The following WDR70 variants were observed in gnomAD, a reference collection of about 807,000 sequenced individuals.
WDR70 encodes the protein WD repeat domain 70, also known as WD repeat-containing protein 70.
WDR70 carries 53 observed loss-of-function variants against 88.6 expected under a neutral mutation model. That is an observed-to-expected ratio of 0.60 (90% CI 0.48 to 0.75). WDR70 has a LOEUF of 0.75. Among genes scored for constraint, WDR70 ranks in the 30% least tolerant of loss-of-function variants. WDR70 has a pLI of 0.00. For missense variants in WDR70, 610 were observed against 823.2 expected (o/e 0.74, Z 3.17); for synonymous variants, 280 against 270.0 (o/e 1.04, Z -0.36).
rs190386749 is a variant in WDR70, at chr5:37,380,006, A to G, written c.91+452A>G. ...CCCATCAAAAAACTTGTTCCAGGTTATACCAAAGTTAACAGAATTAAGAAT... is the reference window on the plus strand; with the variant it reads ...CCCATCAAAAAACTTGTTCCAGGTTGTACCAAAGTTAACAGAATTAAGAAT... On this transcript the variant is annotated intron_variant, in intron 2 of 17. Transcript: ENST00000265107. 7.9e-3 allele frequency among the ~76,000 whole-genome samples: 1,201 copies of G among 152,356 alleles called. 12 individuals are homozygous for G. The highest frequency in any genetic ancestry group is 0.027 in the African/African-American group (1,138 of 41,580).
intron 13 of WDR70, among the ~76,000 whole-genome samples, chr5:37,708,733 T>G (rs1747428392): frequency 6.6e-6 from 1 of 152,112 alleles, no homozygotes; most frequent in South Asian, 2.1e-4. Flanking sequence ...TATTTGTACT[T>G]AGGGAGGGAA....
chr5:37,570,089 G>A (rs1742858081), intron 9 of WDR70, among the ~76,000 whole-genome samples: 1 of 152,080 alleles, frequency 6.6e-6, no homozygotes, highest in Admixed American at 6.5e-5. Context: ...GGCCAATTAG[G>A]AGGGCATTGC....
chr5:37,542,741 G>T (rs1036722409), intron 9 of WDR70, among the ~76,000 whole-genome samples: 6 of 152,190 alleles, frequency 3.9e-5, no homozygotes, highest in African/African-American at 1.4e-4. Context: ...AAGAAGGAAA[G>T]AAAGGAAGAA....
chr5:37,641,473 A>G (rs1047334865), intron 10 of WDR70, among the ~76,000 whole-genome samples: 7 of 142,004 alleles, frequency 4.9e-5, no homozygotes, highest in Non-Finnish European at 7.5e-5. Flanking sequence ...CTGGAGTACA[A>G]TGGTGTGATC....
intron 9 of WDR70, among the ~76,000 whole-genome samples, chr5:37,594,205 T>C (rs1470529565): frequency 6.6e-6 from 1 of 152,232 alleles, no homozygotes; most frequent in Admixed American, 6.5e-5. Flanking sequence ...GTTTTAGTCA[T>C]GAAGTCCTTG....
At chr5:37,522,801 C>T (rs992825867) in intron 9 of WDR70, among the ~76,000 whole-genome samples, 5 of 152,194 alleles carry the variant, frequency 3.3e-5, no homozygotes, top group African/African-American at 9.7e-5. Context: ...GCTTTTCCAA[C>T]GGTCTTAGCA....
chr5:37,733,218 A>G (rs1748202531), intron 17 of WDR70, among the ~76,000 whole-genome samples: 1 of 152,054 alleles, frequency 6.6e-6, no homozygotes, highest in Admixed American at 6.6e-5. Context: ...AATGTTGCCT[A>G]GTCTTCACAT....
intron 8 of WDR70, among the ~76,000 whole-genome samples, chr5:37,496,663 G>A (rs1740225236): frequency 6.6e-6 from 1 of 152,176 alleles, no homozygotes; most frequent in Non-Finnish European, 1.5e-5. Flanking sequence ...ATAAATATCA[G>A]TAAAAGATCT....
chr5:37,698,533 A>C (rs1747050544), intron 11 of WDR70, among the ~76,000 whole-genome samples: 1 of 152,204 alleles, frequency 6.6e-6, no homozygotes, highest in African/African-American at 2.4e-5. Context: ...TATGCTACAG[A>C]GGGCCTTTAG....
rs551790026 is a variant in WDR70 at position 37,638,596 on chromosome 5, T to C, written c.1092+33358T>C. Among the ~76,000 whole-genome samples the C allele has an allele frequency of 1.9e-4, 29 of 152,352 alleles. 2 individuals carry two copies. The South Asian group carries it at 5.8e-3, about 30-fold the overall frequency. On this transcript the variant is annotated intron_variant, in intron 10 of 17. Coordinates refer to ENST00000265107, the MANE Select transcript of WDR70 (RefSeq NM_018034.4). ...TCAGCTTAGAAGTTTATATGTTTGT[T>C]TTCTGGTTGATGTTAATATGTTAAG...
At chr5:37,427,504 ATGCACACATGCT>A (rs1321319788) in intron 5 of WDR70, among the ~76,000 whole-genome samples, 1 of 152,140 alleles carries the variant, frequency 6.6e-6, no homozygotes, top group Non-Finnish European at 1.5e-5. Flanking sequence ...GCATAAACAC[ATGCACACATGCT>A]TGCACACATA....
intron 10 of WDR70, among the ~76,000 whole-genome samples, chr5:37,671,031 T>C (rs893799534): frequency 1.3e-5 from 2 of 152,250 alleles, no homozygotes; most frequent in Non-Finnish European, 2.9e-5. Context: ...ATTTATTTTA[T>C]TTTTTAAATC....
chr5:37,699,984 A>G (rs1345581519), intron 11 of WDR70, among the ~76,000 whole-genome samples: 1 of 151,992 alleles, frequency 6.6e-6, no homozygotes, highest in Admixed American at 6.6e-5. Context: ...ACAAAAAAAA[A>G]AACAGACTAA....
chr5:37,565,944 G>A (rs1266815320), intron 9 of WDR70, among the ~76,000 whole-genome samples: 3 of 152,082 alleles, frequency 2.0e-5, no homozygotes, highest in South Asian at 2.1e-4. Flanking sequence ...AGTATTACTT[G>A]CTTTTACAAC....
At chr5:37,558,817 T>C (rs1742395731) in intron 9 of WDR70, among the ~76,000 whole-genome samples, 1 of 152,108 alleles carries the variant, frequency 6.6e-6, no homozygotes, top group African/African-American at 2.4e-5. Flanking sequence ...GTAAGCCTAG[T>C]TTTGTTGTCC....
At position 37,720,819 on chromosome 5, in the gene WDR70, C is replaced by T. The variant is rs1052500135; in HGVS notation, c.1417-296C>T. ...TTAGCATTCCATGATGCCAGCCTCA[C>T]GTGGTAATGGACCTGGGAAACCTAA... On this transcript the variant is annotated intron_variant, in intron 13 of 17. Coordinates refer to ENST00000265107, the MANE Select transcript of WDR70 (RefSeq NM_018034.4). Among the ~76,000 whole-genome samples, 16 of 152,180 alleles carry T rather than the reference C, an allele frequency of 1.1e-4. 1 individual carries two copies. The highest frequency in any genetic ancestry group is 2.6e-4 in the Admixed American group (4 of 15,270).
intron 5 of WDR70, among the ~76,000 whole-genome samples, chr5:37,410,347 C>T (rs549453130): frequency 6.6e-6 from 1 of 151,936 alleles, no homozygotes; most frequent in South Asian, 2.1e-4. Context: ...CCTGAGTCTG[C>T]TAGTTTTGAC....
chr5:37,466,087 G>GA (rs1351590943), intron 7 of WDR70, among the ~76,000 whole-genome samples: 2 of 152,044 alleles, frequency 1.3e-5, no homozygotes, highest in Non-Finnish European at 2.9e-5. Context: ...GGAGCATGGT[G>GA]AATAACGAAT....
intron 10 of WDR70, among the ~76,000 whole-genome samples, chr5:37,672,264 G>C (rs1202579191): frequency 6.6e-6 from 1 of 152,104 alleles, no homozygotes; most frequent in Non-Finnish European, 1.5e-5. Flanking sequence ...CTGAGATATG[G>C]CCTCGTGGGA....
Sources: allele counts gnomAD v4.1 joint callset (sites outside exome capture counted in the v4.1 genomes callset), GRCh38; gene constraint gnomAD v4.1.1; transcripts MANE v1.5; gene names NCBI Gene and HGNC (gene_info 2026-07-23, HGNC 2026-07-21).